The following UGT2B4 variants were observed in gnomAD, a reference collection of about 807,000 sequenced individuals.
UGT2B4 encodes the protein UDP-glucuronosyltransferase 2B4.
In UGT2B4, 49 loss-of-function variants were observed where a neutral mutation model predicts 49.8. That is an observed-to-expected ratio of 0.98 (90% confidence interval 0.78 to 1.25). The LOEUF (loss-of-function observed/expected upper bound fraction) is 1.25, where lower values mean the gene tolerates loss of function less well. Among genes scored for constraint, UGT2B4 ranks in the 50% most tolerant of loss-of-function variants. UGT2B4 has a pLI of 0.00. For missense variants in UGT2B4, 729 were observed against 627.7 expected, an observed-to-expected ratio of 1.16 and a Z score of -1.73; for synonymous variants, 246 against 217.7, an observed-to-expected ratio of 1.13 and a Z score of -1.14.
upstream of UGT2B4, chr4:69,496,051 G>A (rs1728153826): frequency 1.1e-6 from 1 of 897,594 alleles, no homozygotes; most frequent in Non-Finnish European, 1.5e-6. Context: ...GTTTACACAA[G>A]TGCGTTTAAT....
intron 1 of UGT2B4, among the ~76,000 whole-genome samples, chr4:69,511,681 C>T (rs1728607685): frequency 6.6e-6 from 1 of 152,096 alleles, no homozygotes; most frequent in African/African-American, 2.4e-5. Flanking sequence ...ATGCTGCTCT[C>T]ATAAAATGAG....
At chr4:69,504,809 C>T (rs1437334185) in intron 1 of UGT2B4, among the ~76,000 whole-genome samples, 1 of 151,892 alleles carries the variant, frequency 6.6e-6, no homozygotes, top group Non-Finnish European at 1.5e-5. Context: ...TCAGATTCTT[C>T]TTGGTAGAAA....
chr4:69,496,250 C>A (rs1303445414), upstream of UGT2B4, among the ~76,000 whole-genome samples: 1 of 151,404 alleles, frequency 6.6e-6, no homozygotes, highest in Non-Finnish European at 1.5e-5. Flanking sequence ...TGGTCTCGAA[C>A]CCCTGACCTT....
chr4:69,491,643 A>G (rs756531267), intron 2 of UGT2B4, among the ~76,000 whole-genome samples: 31 of 152,296 alleles, frequency 2.0e-4, no homozygotes, highest in Non-Finnish European at 3.8e-4. Flanking sequence ...TCTACAAGTT[A>G]GTAACAACAG....
chr4:69,495,379 G>A lies in UGT2B4; in HGVS notation c.483C>T (p.Ala161=), dbSNP rs777267648. The A allele has an allele frequency of 8.7e-6, 14 of 1,613,722 alleles. No individual in the cohort carries two copies. The East Asian group carries it at 1.3e-4, about 15-fold the overall frequency. Residue 161 remains alanine (A), a synonymous_variant, in exon 1 of 6, where the codon GCC becomes GCT. Coordinates refer to ENST00000305107, the MANE Select transcript of UGT2B4 (RefSeq NM_021139.3). ...AGACAAAGGGTATTTTAAGTAACTC[G>A]GCCAGCAGCTCACCAAAGGGGAAAA... is the stretch of plus-strand genomic sequence containing the variant. ...DAVFPFGELL[A]ELLKIPFVYS...
chr4:69,496,942 G>C (rs1241882345), upstream of UGT2B4, among the ~76,000 whole-genome samples: 1 of 35,510 alleles, frequency 2.8e-5, no homozygotes, highest in Non-Finnish European at 7.2e-5. Context: ...GAAGGACAAA[G>C]GGAGGGGAAA....
At chr4:69,511,781 T>C (rs911672559) in intron 1 of UGT2B4, among the ~76,000 whole-genome samples, 12 of 152,178 alleles carry the variant, frequency 7.9e-5, no homozygotes, top group African/African-American at 2.9e-4. Flanking sequence ...AGTGAAGCCA[T>C]CTGGTGCTGG....
intron 2 of UGT2B4, among the ~76,000 whole-genome samples, chr4:69,492,358 T>G (rs151049865): frequency 6.2e-4 from 94 of 152,198 alleles, no homozygotes; most frequent in African/African-American, 1.9e-3. Flanking sequence ...GAACACTGGG[T>G]CTGGCTGCAA....
At position 69,485,236 on chromosome 4, in the gene UGT2B4, C is replaced by T. The variant is rs766256482; in HGVS notation, c.1282G>A (p.Ala428Thr). Residue 428 changes from alanine (A) to threonine (T), a missense_variant, in exon 5 of 6, where the codon GCA (alanine) becomes ACA (threonine). Ala to Thr is a moderately conservative substitution (Grantham distance 58). Transcript: ENST00000305107. ...GGATCATTAATTACTGTCTTCAGTG[C>T]ATTGAGTAAGTCTGTACTCGACATT... Reference protein sequence around the residue: ...HTMSSTDLLNALKTVINDPLY... With the variant: ...HTMSSTDLLNTLKTVINDPLY... The T allele has an allele frequency of 3.1e-6, 5 of 1,613,832 alleles. No individual in the cohort carries two copies. The highest frequency in any genetic ancestry group is 4.2e-6 in the Non-Finnish European group (5 of 1,179,910).
upstream of UGT2B4, among the ~76,000 whole-genome samples, chr4:69,500,099 C>T (rs1183460976): frequency 6.6e-6 from 1 of 152,104 alleles, no homozygotes; most frequent in Non-Finnish European, 1.5e-5. Flanking sequence ...ATTGCAGGGA[C>T]ATGGATGCAG....
At chr4:69,516,597 T>C (rs1042978556) in intron 1 of UGT2B4, among the ~76,000 whole-genome samples, 1 of 152,106 alleles carries the variant, frequency 6.6e-6, no homozygotes, top group African/African-American at 2.4e-5. Flanking sequence ...TGTGGACATT[T>C]CATTGTTATT....
Position 69,480,870 on chromosome 4 carries a change from C to T in UGT2B4, c.1351G>A (p.Asp451Asn), listed in dbSNP as rs558607262. The T allele has an allele frequency of 1.2e-6, 2 of 1,613,774 alleles. No homozygotes were observed. The highest frequency in any genetic ancestry group is 2.2e-5 in the East Asian group (1 of 44,860). Reference sequence around the variant, plus strand: ...CGATCAAGGGGCTTCACTGGTTGATCATGATGAATTCTTGATAATTTCATA... The same window carrying T: ...CGATCAAGGGGCTTCACTGGTTGATTATGATGAATTCTTGATAATTTCATA... ...NAMKLSRIHH[D>N]QPVKPLDRAV... The change falls in exon 6 of 6, where the codon GAT (aspartate) becomes AAT (asparagine). Residue 451 changes from aspartate to asparagine, a missense_variant. By Grantham distance (23) the Asp-to-Asn change is conservative. Transcript: ENST00000305107.
chr4:69,510,990 CTTT>C (rs113842049), intron 1 of UGT2B4, among the ~76,000 whole-genome samples: 5 of 105,892 alleles, frequency 4.7e-5, no homozygotes, highest in Admixed American at 2.0e-4. Context: ...TTCTTTTCTT[CTTT>C]TTTTTTTTTT....
chr4:69,491,706 C>A (rs1727992605), intron 2 of UGT2B4, among the ~76,000 whole-genome samples: 1 of 152,086 alleles, frequency 6.6e-6, no homozygotes, highest in Admixed American at 6.6e-5. Flanking sequence ...TCTTATCCTT[C>A]CACACCTCGT....
At chr4:69,489,986 TAGTTTGA>T (rs1344122524) in intron 2 of UGT2B4, among the ~76,000 whole-genome samples, 1 of 152,172 alleles carries the variant, frequency 6.6e-6, no homozygotes, top group Non-Finnish European at 1.5e-5. Flanking sequence ...AGAATTATTT[TAGTTTGA>T]AGTCATTAGT....
exon 1 of UGT2B4, chr4:69,525,736 G>A (rs11732996): frequency 0.35 from 429,272 of 1,227,694 alleles, 79,218 homozygotes; most frequent in Non-Finnish European, 0.36. Flanking sequence ...ACATTATGAT[G>A]TAGTCCCTGT....
chr4:69,500,617 G>GC (rs1560438347), upstream of UGT2B4, among the ~76,000 whole-genome samples: 70 of 121,228 alleles, frequency 5.8e-4, 1 homozygote, highest in Non-Finnish European at 1.0e-3. Context: ...AAGAAAGAAA[G>GC]AAAGAAAGAA....
chr4:69,522,892 T>C (rs28770265), intron 1 of UGT2B4, among the ~76,000 whole-genome samples: 1 of 151,946 alleles, frequency 6.6e-6, no homozygotes, highest in East Asian at 1.9e-4. Flanking sequence ...AAATACTTTG[T>C]TGTCATCTCA....
intron 1 of UGT2B4, among the ~76,000 whole-genome samples, chr4:69,519,632 C>A (rs1173274662): frequency 6.6e-6 from 1 of 152,196 alleles, no homozygotes; most frequent in African/African-American, 2.4e-5. Context: ...AAAATAACAT[C>A]TCTAAATACC....
Sources: allele counts gnomAD v4.1 joint callset (sites outside exome capture counted in the v4.1 genomes callset), GRCh38; gene constraint gnomAD v4.1.1; transcripts MANE v1.5; gene names NCBI Gene and HGNC (gene_info 2026-07-23, HGNC 2026-07-21).